The following NEGR1 variants were observed in gnomAD, a reference collection of about 807,000 sequenced individuals.
NEGR1 encodes IgLON family member 4.
Under a neutral mutation model 40.9 loss-of-function variants are expected in NEGR1, and 10 were observed. The observed-to-expected ratio is 0.24, with a 90% CI of 0.15 to 0.42. The LOEUF is 0.42. Among genes scored for constraint, NEGR1 ranks in the 10% least tolerant of loss-of-function variants. The probability of loss-of-function intolerance (pLI) is 1.00; values close to 1 mark genes in which losing one functional copy is unlikely to be tolerated. For synonymous variants in NEGR1, 185 were observed against 166.8 expected, an observed-to-expected ratio of 1.11 and a Z score of -0.84; for missense variants, 352 against 438.9, an observed-to-expected ratio of 0.80 and a Z score of 1.77.
At chr1:72,190,633 C>A (rs1652787172) in intron 1 of NEGR1, among the ~76,000 whole-genome samples, 1 of 151,414 alleles carries the variant, frequency 6.6e-6, no homozygotes, top group Non-Finnish European at 1.5e-5. Flanking sequence ...AATTTTGTTT[C>A]TATTTATTAA....
chr1:71,479,765 A>T (rs147952698), intron 6 of NEGR1, among the ~76,000 whole-genome samples: 68 of 152,144 alleles, frequency 4.5e-4, no homozygotes, highest in African/African-American at 1.6e-3. Context: ...TGAGAAAATC[A>T]GAGCTTCTGG....
At chr1:72,244,875 T>C (rs1236925918) in intron 1 of NEGR1, among the ~76,000 whole-genome samples, 1 of 152,054 alleles carries the variant, frequency 6.6e-6, no homozygotes, top group African/African-American at 2.4e-5. Flanking sequence ...ATTTTCTCTG[T>C]TAAGATACAT....
chr1:72,166,954 G>A (rs1005561955), intron 1 of NEGR1, among the ~76,000 whole-genome samples: 1 of 152,026 alleles, frequency 6.6e-6, no homozygotes, highest in African/African-American at 2.4e-5. Context: ...TGGCTTGATT[G>A]AAGTGACAGA....
At chr1:71,430,801 A>G (rs898786550) in intron 6 of NEGR1, among the ~76,000 whole-genome samples, 1 of 137,516 alleles carries the variant, frequency 7.3e-6, no homozygotes, top group South Asian at 2.3e-4. Flanking sequence ...CCGCCTCCCG[A>G]GTTCACGCCA....
intron 3 of NEGR1, among the ~76,000 whole-genome samples, chr1:71,732,444 C>A (rs1654908758): frequency 6.6e-6 from 1 of 152,086 alleles, no homozygotes; most frequent in South Asian, 2.1e-4. Flanking sequence ...TTATACTAAT[C>A]AGTTACTGCC....
intron 2 of NEGR1, among the ~76,000 whole-genome samples, chr1:71,840,951 G>T (rs1444175587): frequency 1.3e-5 from 2 of 152,132 alleles, no homozygotes; most frequent in African/African-American, 2.4e-5. Flanking sequence ...GCAGCCTTTG[G>T]TCTTTAACTA....
chr1:71,548,219 T>A (rs547904131), intron 6 of NEGR1, among the ~76,000 whole-genome samples: 1 of 151,828 alleles, frequency 6.6e-6, no homozygotes, highest in Admixed American at 6.6e-5. Flanking sequence ...AGATATTTAT[T>A]ATGCATCAAA....
chr1:72,150,060 T>A (rs1300766868), intron 1 of NEGR1, among the ~76,000 whole-genome samples: 1 of 152,080 alleles, frequency 6.6e-6, no homozygotes, highest in East Asian at 1.9e-4. Flanking sequence ...ATATCACTAT[T>A]CCGAATCCCT....
At chr1:71,592,745 A>T in intron 6 of NEGR1, 72 bp downstream of exon 6, 1 of 1,194,714 alleles carries the variant, frequency 8.4e-7, no homozygotes, top group Non-Finnish European at 1.2e-6. Flanking sequence ...CTCCATTCTT[A>T]GGTTTTATCT....
chr1:71,899,352 C>G (rs542412598), intron 2 of NEGR1, among the ~76,000 whole-genome samples: 1 of 151,960 alleles, frequency 6.6e-6, no homozygotes, highest in African/African-American at 2.4e-5. Context: ...ATCCAAAAGA[C>G]AGTGAGTAGG....
intron 3 of NEGR1, among the ~76,000 whole-genome samples, chr1:71,730,699 C>T (rs943566961): frequency 6.6e-6 from 1 of 150,924 alleles, no homozygotes; most frequent in African/African-American, 2.4e-5. Context: ...AGACTATTAC[C>T]TTCTACAATT....
At chr1:72,242,029 A>C (rs1446687960) in intron 1 of NEGR1, among the ~76,000 whole-genome samples, 25 of 150,252 alleles carry the variant, frequency 1.7e-4, no homozygotes, top group Admixed American at 1.5e-3. Flanking sequence ...GAAGGATGGA[A>C]ACAATAATTA....
intron 2 of NEGR1, among the ~76,000 whole-genome samples, chr1:71,926,562 G>A (rs1293346472): frequency 6.6e-6 from 1 of 150,756 alleles, no homozygotes; most frequent in Non-Finnish European, 1.5e-5. Flanking sequence ...CCTCCTTTCT[G>A]CTATGAACTC....
chr1:72,113,247 T>A (rs1307282884), intron 1 of NEGR1, among the ~76,000 whole-genome samples: 1 of 151,666 alleles, frequency 6.6e-6, no homozygotes, highest in Non-Finnish European at 1.5e-5. Flanking sequence ...AAACTGTGAA[T>A]CAGCTTTGGA....
intron 6 of NEGR1, among the ~76,000 whole-genome samples, chr1:71,588,959 A>G (rs114957659): frequency 0.016 from 2,438 of 152,252 alleles, 28 homozygotes; most frequent in Non-Finnish European, 0.025. Context: ...AAGGCATAAC[A>G]TCAGCCTTGT....
intron 6 of NEGR1, among the ~76,000 whole-genome samples, chr1:71,418,878 G>T (rs892830410): frequency 6.6e-6 from 1 of 151,964 alleles, no homozygotes. Context: ...ATATAATAAG[G>T]GCTTAATAAA....
At chr1:71,574,022 A>T (rs1648884626) in intron 6 of NEGR1, among the ~76,000 whole-genome samples, 1 of 152,212 alleles carries the variant, frequency 6.6e-6, no homozygotes, top group South Asian at 2.1e-4. Flanking sequence ...GCCAAGAATG[A>T]AAGACCCAAG....
At chr1:71,972,443 T>C (rs1646264742) in intron 1 of NEGR1, among the ~76,000 whole-genome samples, 1 of 152,222 alleles carries the variant, frequency 6.6e-6, no homozygotes, top group Non-Finnish European at 1.5e-5. Flanking sequence ...ATATGGGTCC[T>C]TTCTTCAAAA....
chr1:72,274,798 G>T, intron 1 of NEGR1: 4 of 1,456,712 alleles, frequency 2.7e-6, no homozygotes, highest in Admixed American at 1.7e-5. Flanking sequence ...AAAAGATCGG[G>T]TAGAAAAAGT....
Sources: gnomAD v4.1 joint callset for allele counts (sites outside exome capture counted in the v4.1 genomes callset) on GRCh38, gnomAD v4.1.1 for gene constraint, MANE v1.5 for transcripts, NCBI Gene and HGNC (gene_info 2026-07-23, HGNC 2026-07-21) for gene names.